The following VIL1 variants were observed in gnomAD, a reference collection of about 807,000 sequenced individuals.
VIL1 encodes the protein villin 1.
In VIL1, 86 loss-of-function variants were observed where a neutral mutation model predicts 104.0. That is an observed-to-expected ratio of 0.83 (90% CI 0.69 to 0.99). The LOEUF is 0.99. Among genes scored for constraint, VIL1 ranks in the 50% least tolerant of loss-of-function variants. VIL1 has a pLI of 0.00. For synonymous variants in VIL1, 394 were observed against 412.6 expected (o/e 0.95, Z 0.55); for missense variants, 944 against 1,054.1 (o/e 0.90, Z 1.45).
intron 6 of VIL1, 140 bp from the exon 7 acceptor site, chr2:218,429,145 C>G (rs926022808): frequency 1.2e-5 from 12 of 976,360 alleles, no homozygotes; most frequent in Non-Finnish European, 1.4e-5. Context: ...CTTGACCCCT[C>G]CGACGGGGAA....
intron 19 of VIL1, among the ~76,000 whole-genome samples, chr2:218,446,780 T>TG (rs1330494865): frequency 2.6e-5 from 3 of 114,632 alleles, no homozygotes; most frequent in Non-Finnish European, 6.0e-5. Flanking sequence ...TTTTTTTTTT[T>TG]TGAGACAGAG....
rs563091758 is a variant in VIL1 at position 218,433,892 on chromosome 2, C to A, written c.1501-634C>A. 1.5e-3 allele frequency among the ~76,000 whole-genome samples: 215 copies of A among 147,086 alleles called. 1 individual carries two copies. The highest frequency in any genetic ancestry group is 5.2e-3 in the African/African-American group (206 of 39,746). ...CAGCCTGGGCAACAGAGCGAGACTC[C>A]GTCTCAAGGAAAAAAAAAAAAAGGC... On this transcript the variant is annotated intron_variant, in intron 13 of 19. Coordinates refer to ENST00000248444, the MANE Select transcript of VIL1 (RefSeq NM_007127.3).
chr2:218,447,524 T>C (rs1689385334), intron 19 of VIL1, among the ~76,000 whole-genome samples: 1 of 152,098 alleles, frequency 6.6e-6, no homozygotes. Context: ...TTCACCATGT[T>C]GCCCAGGCTG....
intron 3 of VIL1, among the ~76,000 whole-genome samples, chr2:218,424,925 G>T (rs1462701228): frequency 2.6e-5 from 4 of 152,138 alleles, no homozygotes; most frequent in Admixed American, 2.6e-4. Context: ...CTCCCAAAAT[G>T]CTGGGATTAC....
At chr2:218,420,200 G>T (rs1413251425) in intron 1 of VIL1, among the ~76,000 whole-genome samples, 1 of 152,066 alleles carries the variant, frequency 6.6e-6, no homozygotes, top group East Asian at 1.9e-4. Flanking sequence ...GAGGCCAAGT[G>T]GGGTGGATCA....
In VIL1 at chr2:218,430,723, A is replaced by G. The variant is rs1289352197; in HGVS notation, c.949-2A>G. ...GCTTCCAGCCACCCCTTTCTCTTCC[A>G]GAACTTCATCAAAGCCAAGCAGTAC... is the stretch of plus-strand genomic sequence containing the variant. On this transcript the variant is annotated splice_acceptor_variant, in intron 9 of 19. Transcript: ENST00000248444. LOFTEE classifies it high-confidence loss of function. 2 of 1,579,722 alleles carry G rather than the reference A, an allele frequency of 1.3e-6. No homozygotes were observed. The highest frequency in any genetic ancestry group is 1.7e-6 in the Non-Finnish European group (2 of 1,161,192).
rs1380221410 is a variant in VIL1, at chr2:218,449,265, A to C, written c.2413A>C (p.Thr805Pro). 14 of 1,613,758 alleles carry C rather than the reference A, an allele frequency of 8.7e-6. No homozygotes were observed. Among genetic ancestry groups the C allele is most frequent in the Non-Finnish European group, 1.1e-5 (13 of 1,179,894 alleles). ...AGATTTCACTCAGGCCTTTGGGATG[A>C]CTCCAGCTGCCTTCTCTGCTCTGCC... ...IEDFTQAFGMTPAAFSALPRW... is the reference protein window; with the variant it reads ...IEDFTQAFGMPPAAFSALPRW... The change falls in exon 20 of 20, where the codon ACT becomes CCT. Residue 805 changes from threonine (T) to proline (P), a missense_variant. By Grantham distance (38) the Thr-to-Pro change is conservative. Transcript: ENST00000248444.
At chr2:218,421,381 T>C (rs1271082478) in intron 1 of VIL1, among the ~76,000 whole-genome samples, 2 of 151,936 alleles carry the variant, frequency 1.3e-5, no homozygotes, top group African/African-American at 4.8e-5. Flanking sequence ...CCTTCCCTGG[T>C]CTGGGGACAC....
At chr2:218,442,853 T>G (rs926087180) in intron 19 of VIL1, among the ~76,000 whole-genome samples, 1 of 152,188 alleles carries the variant, frequency 6.6e-6, no homozygotes, top group African/African-American at 2.4e-5. Flanking sequence ...AAGTGTTTTG[T>G]TCTCAGAGAA....
At chr2:218,432,556 G>C (rs533829130) in intron 12 of VIL1, 1 of 730,062 alleles carries the variant, frequency 1.4e-6, no homozygotes, top group Non-Finnish European at 2.4e-6. Context: ...TAAGGCTGGG[G>C]TTGCAGGTAG....
At chr2:218,447,056 G>A (rs1212885308) in intron 19 of VIL1, among the ~76,000 whole-genome samples, 3 of 152,054 alleles carry the variant, frequency 2.0e-5, no homozygotes, top group Non-Finnish European at 4.4e-5. Context: ...GAGCCAACGC[G>A]CCCGGCCTGA....
chr2:218,433,071 A>T, intron 13 of VIL1, 120 bp downstream of exon 13: 1 of 1,247,924 alleles, frequency 8.0e-7, no homozygotes, highest in East Asian at 2.4e-5. Context: ...TCTTCATAGG[A>T]GACTACCCTG....
chr2:218,441,965 C>T (rs908806593), intron 19 of VIL1, among the ~76,000 whole-genome samples: 4 of 151,888 alleles, frequency 2.6e-5, no homozygotes, highest in Non-Finnish European at 4.4e-5. Context: ...CCAGCCTGGG[C>T]GACAAGAGTG....
chr2:218,431,960 A>G lies in VIL1; in HGVS notation c.1203+3A>G, dbSNP rs1198936376. On this transcript the variant is annotated splice_donor_region_variant and intron_variant, in intron 11 of 19. Transcript: ENST00000248444. Reference sequence around the variant, plus strand: ...ATGATGGGAGTGGGGAAGTGCAGGTATGTGAGGGCAGAGAGGCCCGTGCTG... The same window carrying G: ...ATGATGGGAGTGGGGAAGTGCAGGTGTGTGAGGGCAGAGAGGCCCGTGCTG... 1.2e-6 allele frequency: 2 copies of G among 1,613,840 alleles called. No homozygotes were observed. Among genetic ancestry groups the G allele is most frequent in the African/African-American group, 2.7e-5 (2 of 74,856 alleles).
At chr2:218,447,205 C>T (rs1272336546) in intron 19 of VIL1, among the ~76,000 whole-genome samples, 1 of 152,332 alleles carries the variant, frequency 6.6e-6, no homozygotes, top group East Asian at 1.9e-4. Flanking sequence ...GGCCCTACTT[C>T]CCTTGCAGGC....
intron 19 of VIL1, among the ~76,000 whole-genome samples, chr2:218,443,491 G>A (rs1010824993): frequency 1.3e-5 from 2 of 151,934 alleles, no homozygotes; most frequent in Non-Finnish European, 2.9e-5. Flanking sequence ...CACCACGCCC[G>A]GCCAATAATG....
chr2:218,452,240 G>C lies in VIL1; in HGVS notation c.*2904G>C, dbSNP rs1343060147. The C allele has an allele frequency of 6.6e-6, 1 of 152,112 alleles. No homozygotes were observed. Among genetic ancestry groups the C allele is most frequent in the East Asian group, 1.9e-4 (1 of 5,198 alleles). 9.4% of individuals were successfully genotyped at this position (152,112 alleles called of 1,614,324 possible). Reference sequence around the variant, plus strand: ...CACATTTGGTATTTTCAATAGGAAGGTTAATTAGGTATTGTGCAAACTGCC... The same window carrying C: ...CACATTTGGTATTTTCAATAGGAAGCTTAATTAGGTATTGTGCAAACTGCC... On this transcript the variant is annotated 3_prime_UTR_variant, in exon 20 of 20. Coordinates refer to ENST00000248444, the MANE Select transcript of VIL1 (RefSeq NM_007127.3).
intron 15 of VIL1, 109 bp downstream of exon 15, chr2:218,435,543 G>A: frequency 7.1e-7 from 1 of 1,415,592 alleles, no homozygotes; most frequent in Non-Finnish European, 9.5e-7. Flanking sequence ...GACTCTGTGT[G>A]TCAGGCACTG....
Position 218,423,828 on chromosome 2 carries a change from C to G in VIL1, c.50C>G (p.Pro17Arg). The change falls in exon 2 of 20, where the codon CCG becomes CGG. Residue 17 changes from proline to arginine, a missense_variant. By Grantham distance (103) the Pro-to-Arg change is moderately radical. Transcript: ENST00000248444. Reference protein sequence around the residue: ...QVKGSLNITTPGLQIWRIEAM... With the variant: ...QVKGSLNITTRGLQIWRIEAM... ...AAAGGCTCTCTCAACATCACCACCC[C>G]GGGGCTGCAGATATGGAGGATCGAG... The G allele has an allele frequency of 6.2e-7, 1 of 1,614,158 alleles. No individual in the cohort carries two copies. The highest frequency in any genetic ancestry group is 2.2e-5 in the East Asian group (1 of 44,880).
Sources: allele counts gnomAD v4.1 joint callset (sites outside exome capture counted in the v4.1 genomes callset), GRCh38; gene constraint gnomAD v4.1.1; transcripts MANE v1.5; gene names NCBI Gene and HGNC (gene_info 2026-07-23, HGNC 2026-07-21).